GABRG3: variants seen among roughly 807,000 people sequenced by gnomAD.
GABRG3 encodes the protein gamma-aminobutyric acid type A receptor subunit gamma3.
Under a neutral mutation model 48.8 loss-of-function variants are expected in GABRG3, and 25 were observed. The ratio of observed to expected loss-of-function variants is 0.51; its 90% confidence interval spans 0.37 to 0.72. GABRG3 has a LOEUF of 0.72. Among genes scored for constraint, GABRG3 ranks in the 30% least tolerant of loss-of-function variants. GABRG3 has a pLI of 0.00. For missense variants in GABRG3, 394 were observed against 577.9 expected (o/e 0.68, Z 3.26); for synonymous variants, 227 against 217.6 (o/e 1.04, Z -0.38).
chr15:27,423,001 A>G (rs1205073293), intron 5 of GABRG3, among the ~76,000 whole-genome samples: 1 of 152,042 alleles, frequency 6.6e-6, no homozygotes, highest in East Asian at 1.9e-4. Flanking sequence ...CTCTTGCATG[A>G]GTTAAATGTC....
chr15:27,307,145 T>C (rs1429679529), intron 3 of GABRG3, among the ~76,000 whole-genome samples: 1 of 133,568 alleles, frequency 7.5e-6, no homozygotes, highest in Non-Finnish European at 1.5e-5. Context: ...TTTATACATA[T>C]ATAAACATAT....
intron 5 of GABRG3, among the ~76,000 whole-genome samples, chr15:27,415,319 A>G (rs1335885151): frequency 6.6e-6 from 1 of 152,054 alleles, no homozygotes; most frequent in African/African-American, 2.4e-5. Flanking sequence ...TCCATCTCCT[A>G]GTGAACTCCT....
chr15:27,400,923 CT>C lies in GABRG3; in HGVS notation c.574+72036del, dbSNP rs143022337. 2.4e-3 allele frequency among the ~76,000 whole-genome samples: 365 copies of C among 152,312 alleles called. 2 individuals carry two copies. Among genetic ancestry groups the C allele is most frequent in the African/African-American group, 8.1e-3 (337 of 41,570 alleles). On this transcript the variant is annotated intron_variant, in intron 5 of 9. Coordinates refer to ENST00000615808, the MANE Select transcript of GABRG3 (RefSeq NM_033223.5). The stretch of plus-strand genomic sequence containing the variant: ...AATCCACGACGGGAGACAAAACAGT[CT>C]CCCGTTTCATGGATCTTCTCTTCCG...
rs1449946189 is a variant in GABRG3, at chr15:27,308,449, A to C, written c.271-18360A>C. On this transcript the variant is annotated intron_variant, in intron 3 of 9. Coordinates refer to ENST00000615808, the MANE Select transcript of GABRG3 (RefSeq NM_033223.5). Reference sequence around the variant, plus strand: ...TAAACATACCTGTTTATATAAACATATGCAAACATACATGTTTATATATAA... The same window carrying C: ...TAAACATACCTGTTTATATAAACATCTGCAAACATACATGTTTATATATAA... Among the ~76,000 whole-genome samples, 5 of 142,688 alleles carry C rather than the reference A, an allele frequency of 3.5e-5. No homozygotes were observed. In the East Asian group the frequency reaches 1.1e-3, roughly 30 times the overall value. The allele number at this position is 142,688 out of a possible 152,430, so 93.6% of individuals were successfully genotyped here.
intron 3 of GABRG3, among the ~76,000 whole-genome samples, chr15:27,254,105 T>C (rs568148589): frequency 6.6e-6 from 1 of 152,262 alleles, no homozygotes; most frequent in Non-Finnish European, 1.5e-5. Flanking sequence ...TTTTCTGTAG[T>C]TTTTGGATTC....
intron 2 of GABRG3, among the ~76,000 whole-genome samples, chr15:27,010,134 G>A (rs1018917937): frequency 6.6e-5 from 10 of 152,122 alleles, no homozygotes; most frequent in African/African-American, 1.4e-4. Flanking sequence ...TTGTAGAGCC[G>A]GTGTTGCATA....
intron 3 of GABRG3, among the ~76,000 whole-genome samples, chr15:27,131,850 G>A (rs1897921645): frequency 6.6e-6 from 1 of 151,938 alleles, no homozygotes; most frequent in Admixed American, 6.6e-5. Context: ...ATGTCTTACT[G>A]TGGTTTTGAT....
intron 6 of GABRG3, among the ~76,000 whole-genome samples, chr15:27,507,282 C>T (rs1890783335): frequency 6.6e-6 from 1 of 152,002 alleles, no homozygotes; most frequent in Non-Finnish European, 1.5e-5. Context: ...GGCAGGTGAA[C>T]CACCTGAGGT....
At chr15:27,167,439 GGCTGGGCTCAGCTTA>G (rs1345583302) in intron 3 of GABRG3, among the ~76,000 whole-genome samples, 1 of 152,182 alleles carries the variant, frequency 6.6e-6, no homozygotes, top group African/African-American at 2.4e-5. Flanking sequence ...AAGATGTCCT[GGCTGGGCTCAGCTTA>G]GCTGTGCTCA....
chr15:27,504,625 T>A (rs1890720225), intron 6 of GABRG3, among the ~76,000 whole-genome samples: 1 of 152,170 alleles, frequency 6.6e-6, no homozygotes, highest in South Asian at 2.1e-4. Context: ...TAAACTTTAT[T>A]TCCCTATGTA....
chr15:27,193,334 G>A (rs1296600276), intron 3 of GABRG3, among the ~76,000 whole-genome samples: 1 of 152,072 alleles, frequency 6.6e-6, no homozygotes, highest in Non-Finnish European at 1.5e-5. Context: ...GAAGCCTACA[G>A]AGGCAGGCAG....
chr15:27,278,686 A>G (rs1891336444), intron 3 of GABRG3, among the ~76,000 whole-genome samples: 1 of 152,136 alleles, frequency 6.6e-6, no homozygotes. Context: ...AGTTTGTTTA[A>G]CCACTCACTC....
intron 3 of GABRG3, among the ~76,000 whole-genome samples, chr15:27,164,427 T>A (rs113934153): frequency 0.081 from 12,392 of 152,218 alleles, 853 homozygotes; most frequent in African/African-American, 0.18. Flanking sequence ...GTAATTGGTA[T>A]TAGCACATTA....
At chr15:27,244,847 G>A (rs1474238324) in intron 3 of GABRG3, among the ~76,000 whole-genome samples, 1 of 152,000 alleles carries the variant, frequency 6.6e-6, no homozygotes, top group Non-Finnish European at 1.5e-5. Flanking sequence ...TCTTTTAAAG[G>A]AGGGTTATTT....
Position 27,179,459 on chromosome 15 carries a change from C to A in GABRG3, c.271-147350C>A, listed in dbSNP as rs1170438626. On this transcript the variant is annotated intron_variant, in intron 3 of 9. Transcript: ENST00000615808. The surrounding 1 kb of genome is among the most constrained non-coding windows in gnomAD (Gnocchi z 4.0). The stretch of plus-strand genomic sequence containing the variant: ...ATTTACCTTGTTTGCATAAAATCTT[C>A]CCCTGATTTTTGTGATACAATTTCG... Among the ~76,000 whole-genome samples, 2 of 152,168 alleles carry A rather than the reference C, an allele frequency of 1.3e-5. No individual in the cohort carries two copies. The highest frequency in any genetic ancestry group is 4.8e-5 in the African/African-American group (2 of 41,448).
chr15:27,173,112 G>A (rs1887627228), intron 3 of GABRG3, among the ~76,000 whole-genome samples: 1 of 152,104 alleles, frequency 6.6e-6, no homozygotes, highest in Non-Finnish European at 1.5e-5. Context: ...CACATCAAAT[G>A]GTTAGATTCA....
chr15:27,381,259 AAC>A (rs1895767079), intron 5 of GABRG3, among the ~76,000 whole-genome samples: 1 of 152,190 alleles, frequency 6.6e-6, no homozygotes, highest in African/African-American at 2.4e-5. Flanking sequence ...ATGATGGTGA[AAC>A]AGTTTACTTG....
At chr15:27,176,307 G>T (rs1887744291) in intron 3 of GABRG3, among the ~76,000 whole-genome samples, 1 of 152,180 alleles carries the variant, frequency 6.6e-6, no homozygotes, top group Non-Finnish European at 1.5e-5. Context: ...GTTGAGTGCT[G>T]TAGGGGCTAT....
chr15:27,184,967 T>C lies in GABRG3; in HGVS notation c.271-141842T>C, dbSNP rs1052990937. ...CTTGTTAGATGTTTATTGTTTGCATTGATTTGAAGAACCAGCATTTTGTTT... is the reference window on the plus strand; with the variant it reads ...CTTGTTAGATGTTTATTGTTTGCATCGATTTGAAGAACCAGCATTTTGTTT... On this transcript the variant is annotated intron_variant, in intron 3 of 9. Coordinates refer to ENST00000615808, the MANE Select transcript of GABRG3 (RefSeq NM_033223.5). 1.5e-4 allele frequency among the ~76,000 whole-genome samples: 23 copies of C among 152,198 alleles called. 1 individual carries two copies. The highest frequency in any genetic ancestry group is 5.5e-4 in the African/African-American group (23 of 41,462).
Sources: allele counts gnomAD v4.1 joint callset (sites outside exome capture counted in the v4.1 genomes callset), GRCh38; gene constraint gnomAD v4.1.1; non-coding constraint Gnocchi (gnomAD v3.1); transcripts MANE v1.5; gene names NCBI Gene and HGNC (gene_info 2026-07-23, HGNC 2026-07-21).